The following DLGAP1 variants were observed in gnomAD, a reference collection of about 807,000 sequenced individuals.
DLGAP1 encodes the protein DLG associated protein 1, also known as disks large-associated protein 1.
DLGAP1 carries 11 observed loss-of-function variants against 90.8 expected under a neutral mutation model. That is an observed-to-expected ratio of 0.12 (90% CI 0.08 to 0.20). The LOEUF (loss-of-function observed/expected upper bound fraction) is 0.20, where lower values mean the gene tolerates loss of function less well. Among genes scored for constraint, DLGAP1 ranks in the 10% least tolerant of loss-of-function variants. The pLI, the probability that DLGAP1 is intolerant of heterozygous loss-of-function variation, is 1.00. For synonymous variants in DLGAP1, 558 were observed against 540.7 expected, an observed-to-expected ratio of 1.03 and a Z score of -0.44; for missense variants, 1,050 against 1,333.8, an observed-to-expected ratio of 0.79 and a Z score of 3.31.
rs577671165 is a variant in DLGAP1, at chr18:4,301,072, A to G, written c.-266-149785T>C. Among the ~76,000 whole-genome samples, 3 of 152,320 alleles carry G rather than the reference A, an allele frequency of 2.0e-5. No homozygotes were observed. The East Asian group carries it at 5.8e-4, about 29-fold the overall frequency. On this transcript the variant is annotated intron_variant, in intron 1 of 12. Coordinates refer to ENST00000315677, the MANE Select transcript of DLGAP1 (RefSeq NM_004746.4). The stretch of plus-strand genomic sequence containing the variant: ...ATGGTATATGAATACAATGTGGAAT[A>G]ATTAAATCAGACCAATTAACATATC...
At chr18:4,093,425 A>G (rs1008457605) in intron 2 of DLGAP1, among the ~76,000 whole-genome samples, 19 of 152,226 alleles carry the variant, frequency 1.2e-4, no homozygotes, top group African/African-American at 4.6e-4. Context: ...TGGAAACCAG[A>G]TGAGAATATG....
At chr18:3,712,158 C>T (rs2147236886) in intron 7 of DLGAP1, among the ~76,000 whole-genome samples, 1 of 152,306 alleles carries the variant, frequency 6.6e-6, no homozygotes, top group African/African-American at 2.4e-5. Context: ...TCTCACTGCA[C>T]TTTTTGCCTT....
chr18:4,050,246 C>T (rs1248729285), intron 2 of DLGAP1, among the ~76,000 whole-genome samples: 1 of 151,972 alleles, frequency 6.6e-6, no homozygotes, highest in Non-Finnish European at 1.5e-5. Flanking sequence ...ATTTTCAGTT[C>T]TCTTTTTGAG....
chr18:4,018,658 G>T (rs536846270), intron 2 of DLGAP1, among the ~76,000 whole-genome samples: 1 of 152,360 alleles, frequency 6.6e-6, no homozygotes, highest in Admixed American at 6.5e-5. Flanking sequence ...TAGGATGGAA[G>T]AATGATCAGT....
At chr18:3,858,959 C>G (rs371211656) in intron 4 of DLGAP1, among the ~76,000 whole-genome samples, 1 of 152,060 alleles carries the variant, frequency 6.6e-6, no homozygotes, top group Non-Finnish European at 1.5e-5. Context: ...TGCTTCAGAG[C>G]TTTTTCCATA....
intron 3 of DLGAP1, among the ~76,000 whole-genome samples, chr18:3,992,037 A>G (rs1205293638): frequency 6.6e-6 from 1 of 152,188 alleles, no homozygotes; most frequent in Non-Finnish European, 1.5e-5. Flanking sequence ...TCCACAATAA[A>G]CAAGATGAAT....
chr18:4,210,437 C>T (rs1485868843), intron 1 of DLGAP1, among the ~76,000 whole-genome samples: 2 of 152,174 alleles, frequency 1.3e-5, no homozygotes, highest in African/African-American at 4.8e-5. Context: ...TGGGACACTA[C>T]TGATCGGAAA....
In DLGAP1 at chr18:3,926,411, T is replaced by C. The variant is rs1341235206; in HGVS notation, c.-72-46271A>G. On this transcript the variant is annotated intron_variant, in intron 3 of 12. Transcript: ENST00000315677. ...AGTGTAAGCAAATGACATATATATA[T>C]ATATATATATACACACACACACACA... Among the ~76,000 whole-genome samples the C allele has an allele frequency of 6.2e-3, 319 of 51,694 alleles. 3 individuals carry two copies. Among genetic ancestry groups the C allele is most frequent in the African/African-American group, 0.016 (306 of 18,712 alleles). The allele number at this position is 51,694 out of a possible 152,430, so 33.9% of individuals were successfully genotyped here.
intron 3 of DLGAP1, among the ~76,000 whole-genome samples, chr18:3,905,118 AG>A (rs200436566): frequency 0.018 from 2,796 of 151,984 alleles, 87 homozygotes; most frequent in African/African-American, 0.064. Flanking sequence ...CTGTAATCCC[AG>A]CACTTTGGGA....
chr18:4,135,861 T>C (rs952774959), intron 2 of DLGAP1, among the ~76,000 whole-genome samples: 1 of 147,610 alleles, frequency 6.8e-6, no homozygotes, highest in Admixed American at 6.7e-5. Flanking sequence ...TTTATTATTA[T>C]TCTTCTTATT....
intron 9 of DLGAP1, among the ~76,000 whole-genome samples, chr18:3,546,774 G>A (rs1335289312): frequency 2.0e-5 from 3 of 152,082 alleles, no homozygotes; most frequent in Non-Finnish European, 2.9e-5. Flanking sequence ...AAGAATTAAG[G>A]TTTCAAATCA....
chr18:4,299,452 AAG>A (rs2143227588), intron 1 of DLGAP1, among the ~76,000 whole-genome samples: 1 of 152,362 alleles, frequency 6.6e-6, no homozygotes, highest in Non-Finnish European at 1.5e-5. Context: ...TGTAAATTAG[AAG>A]AGTTTCCTCA....
intron 3 of DLGAP1, among the ~76,000 whole-genome samples, chr18:3,962,028 A>C (rs58939787): frequency 0.017 from 2,610 of 152,244 alleles, 69 homozygotes; most frequent in African/African-American, 0.049. Flanking sequence ...CAACACTTTG[A>C]TCTTTCTTTG....
At chr18:3,584,672 C>T (rs1218223998) in intron 7 of DLGAP1, among the ~76,000 whole-genome samples, 1 of 152,102 alleles carries the variant, frequency 6.6e-6, no homozygotes, top group Non-Finnish European at 1.5e-5. Context: ...GGCAGTCACC[C>T]CTCATTCCCT....
chr18:4,290,670 T>G (rs2079823971), intron 1 of DLGAP1, among the ~76,000 whole-genome samples: 1 of 152,120 alleles, frequency 6.6e-6, no homozygotes, highest in African/African-American at 2.4e-5. Context: ...CCAATAACAG[T>G]AAAACAAGAA....
chr18:4,233,244 G>A (rs960626898), intron 1 of DLGAP1, among the ~76,000 whole-genome samples: 2 of 152,030 alleles, frequency 1.3e-5, no homozygotes, highest in Non-Finnish European at 2.9e-5. Context: ...CCCTGGCCCC[G>A]ATCTAAGCCA....
intron 1 of DLGAP1, among the ~76,000 whole-genome samples, chr18:4,358,308 A>G (rs1305227205): frequency 6.6e-6 from 1 of 152,246 alleles, no homozygotes; most frequent in African/African-American, 2.4e-5. Flanking sequence ...TTGGGTGATC[A>G]TGTTATTACG....
At chr18:3,799,839 G>C (rs3786436) in intron 5 of DLGAP1, among the ~76,000 whole-genome samples, 24,161 of 152,166 alleles carry the variant, frequency 0.16, 2,223 homozygotes, top group East Asian at 0.32. Context: ...TACCTGAGAT[G>C]ATTGTTTTCT....
intron 1 of DLGAP1, among the ~76,000 whole-genome samples, chr18:4,259,169 T>A (rs1238625384): frequency 1.3e-5 from 2 of 152,080 alleles, no homozygotes; most frequent in Non-Finnish European, 2.9e-5. Flanking sequence ...AGTTAACAGG[T>A]GGGGAACCAC....
Sources: gnomAD v4.1 joint callset for allele counts (sites outside exome capture counted in the v4.1 genomes callset) on GRCh38, gnomAD v4.1.1 for gene constraint, MANE v1.5 for transcripts, NCBI Gene and HGNC (gene_info 2026-07-23, HGNC 2026-07-21) for gene names.